Variants in RAD51B observed in about 807,000 individuals in gnomAD.
The protein encoded by RAD51B is RAD51 paralog B, also known as DNA repair protein RAD51 homolog 2.
A neutral mutation model predicts 42.2 loss-of-function variants in RAD51B; 38 were observed. That is an observed-to-expected ratio of 0.90 (90% CI 0.70 to 1.18). The LOEUF is 1.18. Ranked by LOEUF, RAD51B falls within the 50% of genes most tolerant of loss-of-function variation. RAD51B has a pLI of 0.00. For missense variants in RAD51B, 373 were observed against 400.7 expected (o/e 0.93, Z 0.59); for synonymous variants, 154 against 145.2 (o/e 1.06, Z -0.43).
chr14:68,381,970 G>A (rs780807619), intron 8 of RAD51B, among the ~76,000 whole-genome samples: 1 of 152,136 alleles, frequency 6.6e-6, no homozygotes, highest in Non-Finnish European at 1.5e-5. Flanking sequence ...AGATGTAATG[G>A]CCAGTGGATG....
intron 8 of RAD51B, among the ~76,000 whole-genome samples, chr14:68,331,042 A>G (rs1373700284): frequency 6.6e-6 from 1 of 152,124 alleles, no homozygotes; most frequent in Admixed American, 6.6e-5. Flanking sequence ...AAACAATTCT[A>G]GGTTTATACA....
chr14:68,412,218 C>T (rs771529763), intron 9 of RAD51B, among the ~76,000 whole-genome samples: 1 of 152,140 alleles, frequency 6.6e-6, no homozygotes, highest in Non-Finnish European at 1.5e-5. Context: ...TAAAATGTTT[C>T]ATAATAAAAA....
chr14:68,154,349 A>G (rs980181710), intron 7 of RAD51B, among the ~76,000 whole-genome samples: 2 of 152,190 alleles, frequency 1.3e-5, no homozygotes, highest in Admixed American at 6.5e-5. Context: ...ATTCTATCCA[A>G]TGCTTCATGC....
chr14:68,124,100 A>T (rs59926159), intron 7 of RAD51B, among the ~76,000 whole-genome samples: 15,914 of 151,938 alleles, frequency 0.1, 2,411 homozygotes, highest in African/African-American at 0.34. Context: ...CCCATTTTTT[A>T]AAAAAAATTA....
intron 8 of RAD51B, among the ~76,000 whole-genome samples, chr14:68,384,166 A>C (rs1171551818): frequency 6.6e-6 from 1 of 152,194 alleles, no homozygotes; most frequent in Non-Finnish European, 1.5e-5. Flanking sequence ...AGTTTATTTT[A>C]ATTTTTTTCT....
intron 10 of RAD51B, among the ~76,000 whole-genome samples, chr14:68,606,780 T>A (rs995314566): frequency 6.6e-6 from 1 of 152,222 alleles, no homozygotes; most frequent in Non-Finnish European, 1.5e-5. Flanking sequence ...GAGTCGGAAC[T>A]GTACCTCAGG....
At chr14:67,880,395 G>T (rs28833913) in intron 5 of RAD51B, among the ~76,000 whole-genome samples, 7,826 of 152,188 alleles carry the variant, frequency 0.051, 465 homozygotes, top group African/African-American at 0.15. Flanking sequence ...TGACTTCTTA[G>T]TCTGAGAACC....
chr14:68,658,575 T>C (rs796969958), intron 11 of RAD51B, among the ~76,000 whole-genome samples: 18 of 152,192 alleles, frequency 1.2e-4, no homozygotes, highest in African/African-American at 4.1e-4. Context: ...TACTTCACAA[T>C]CCCTCTACAA....
chr14:68,053,277 G>A (rs2076423204), intron 7 of RAD51B, among the ~76,000 whole-genome samples: 1 of 152,116 alleles, frequency 6.6e-6, no homozygotes, highest in Non-Finnish European at 1.5e-5. Context: ...AGTTTTGTAC[G>A]AAAGAATGGG....
At chr14:67,888,294 A>G (rs2043121253) in intron 7 of RAD51B, among the ~76,000 whole-genome samples, 3 of 152,170 alleles carry the variant, frequency 2.0e-5, no homozygotes, top group Non-Finnish European at 4.4e-5. Context: ...TCAAATTTAT[A>G]TTTTTCCTGA....
intron 7 of RAD51B, among the ~76,000 whole-genome samples, chr14:68,181,522 G>A (rs761127246): frequency 6.6e-6 from 1 of 152,166 alleles, no homozygotes; most frequent in Non-Finnish European, 1.5e-5. Context: ...TTTGGTAATT[G>A]GAGATATTTG....
intron 7 of RAD51B, among the ~76,000 whole-genome samples, chr14:68,211,282 A>G (rs1402270246): frequency 6.6e-6 from 1 of 152,182 alleles, no homozygotes; most frequent in Non-Finnish European, 1.5e-5. Context: ...TTTTAGTTCA[A>G]GGGCCTTGCT....
At chr14:68,194,063 G>A (rs562224218) in intron 7 of RAD51B, among the ~76,000 whole-genome samples, 2 of 152,320 alleles carry the variant, frequency 1.3e-5, no homozygotes, top group South Asian at 2.1e-4. Context: ...TAAGAATTAA[G>A]CTTATGAGTT....
chr14:67,950,776 T>C (rs1231676880), intron 7 of RAD51B, among the ~76,000 whole-genome samples: 2 of 152,164 alleles, frequency 1.3e-5, no homozygotes, highest in African/African-American at 4.8e-5. Flanking sequence ...TTCTTGAACA[T>C]TTAGGGGCCA....
intron 7 of RAD51B, among the ~76,000 whole-genome samples, chr14:68,133,690 T>G (rs532913152): frequency 9.2e-5 from 14 of 152,254 alleles, no homozygotes; most frequent in Non-Finnish European, 1.8e-4. Flanking sequence ...GCCAGGCTGG[T>G]CTCGAACTCC....
chr14:68,180,488 C>T (rs1225975077), intron 7 of RAD51B, among the ~76,000 whole-genome samples: 2 of 152,100 alleles, frequency 1.3e-5, no homozygotes, highest in Non-Finnish European at 2.9e-5. Context: ...TCATGATTAT[C>T]GTCATGCTGT....
chr14:68,551,039 C>T, intron 10 of RAD51B, among the ~76,000 whole-genome samples: 1 of 152,110 alleles, frequency 6.6e-6, no homozygotes, highest in East Asian at 1.9e-4. Context: ...ATATAAAATT[C>T]CCATGATCCC....
At chr14:68,493,596 G>C (rs931161655) in intron 10 of RAD51B, among the ~76,000 whole-genome samples, 4 of 152,236 alleles carry the variant, frequency 2.6e-5, no homozygotes, top group Admixed American at 6.5e-5. Context: ...CATTGCTGAA[G>C]TGTCACGCGT....
At chr14:67,969,665 T>G (rs1393904699) in intron 7 of RAD51B, among the ~76,000 whole-genome samples, 1 of 152,188 alleles carries the variant, frequency 6.6e-6, no homozygotes. Context: ...ACTAAGAAGT[T>G]TTCTGTGCTT....
Sources: allele counts gnomAD v4.1 joint callset (sites outside exome capture counted in the v4.1 genomes callset), GRCh38; gene constraint gnomAD v4.1.1; transcripts MANE v1.5; gene names NCBI Gene and HGNC (gene_info 2026-07-23, HGNC 2026-07-21).